EXOC4: variants seen among roughly 807,000 people sequenced by gnomAD.
EXOC4 encodes the protein SEC8-like 1.
A neutral mutation model predicts 107.2 loss-of-function variants in EXOC4; 71 were observed. That is an observed-to-expected ratio of 0.66 (90% CI 0.55 to 0.81). The LOEUF (loss-of-function observed/expected upper bound fraction) is 0.81, where lower values mean the gene tolerates loss of function less well. Ranked by LOEUF, EXOC4 falls within the 30% of genes least tolerant of loss-of-function variation. The pLI is 0.00. For synonymous variants in EXOC4, 456 were observed against 441.2 expected (o/e 1.03, Z -0.42); for missense variants, 1,108 against 1,189.6 (o/e 0.93, Z 1.01).
intron 1 of EXOC4, among the ~76,000 whole-genome samples, chr7:133,262,377 T>TA (rs981458180): frequency 2.6e-5 from 4 of 151,906 alleles, no homozygotes; most frequent in Admixed American, 6.6e-5. Flanking sequence ...TTTTTTTTTT[T>TA]ATGTGCTAGG....
intron 17 of EXOC4, among the ~76,000 whole-genome samples, chr7:134,025,039 T>C (rs1444172499): frequency 6.6e-6 from 1 of 152,224 alleles, no homozygotes; most frequent in Non-Finnish European, 1.5e-5. Context: ...TTATTTCTGC[T>C]CCCTTTCCAA....
chr7:133,702,127 G>A (rs1215290098), intron 10 of EXOC4, among the ~76,000 whole-genome samples: 1 of 149,278 alleles, frequency 6.7e-6, no homozygotes, highest in Non-Finnish European at 1.5e-5. Flanking sequence ...GACTCTGAAT[G>A]TATAAGCTAC....
At chr7:133,717,303 T>G (rs1795018102) in intron 10 of EXOC4, among the ~76,000 whole-genome samples, 1 of 152,220 alleles carries the variant, frequency 6.6e-6, no homozygotes, top group Admixed American at 6.5e-5. Flanking sequence ...GGAACAATCT[T>G]CTATTAGGTT....
intron 9 of EXOC4, among the ~76,000 whole-genome samples, chr7:133,577,893 C>T (rs765837928): frequency 9.9e-5 from 15 of 152,084 alleles, no homozygotes; most frequent in Non-Finnish European, 2.1e-4. Context: ...AAAATGGATC[C>T]ATCTGGCTTA....
At chr7:134,093,475 G>T in the EXOC4 span, among the ~76,000 whole-genome samples, 1 of 152,112 alleles carries the variant, frequency 6.6e-6, no homozygotes, top group East Asian at 1.9e-4. Context: ...CAATAACAGA[G>T]CGGGGCTTCA....
intron 9 of EXOC4, among the ~76,000 whole-genome samples, chr7:133,537,322 A>AT (rs1469974602): frequency 8.0e-6 from 1 of 125,436 alleles, no homozygotes; most frequent in African/African-American, 3.4e-5. Context: ...CACCTGACTA[A>AT]TTTTTTTGTA....
chr7:133,474,661 C>T (rs1376846374), intron 7 of EXOC4, among the ~76,000 whole-genome samples: 1 of 152,000 alleles, frequency 6.6e-6, no homozygotes, highest in African/African-American at 2.4e-5. Flanking sequence ...TTGAAGCTCT[C>T]AATATGAGTA....
chr7:133,994,285 G>T (rs939292986), intron 14 of EXOC4, among the ~76,000 whole-genome samples: 1 of 152,186 alleles, frequency 6.6e-6, no homozygotes, highest in African/African-American at 2.4e-5. Flanking sequence ...CCCTGCAAAG[G>T]ACATGAACTC....
At chr7:133,750,957 C>T (rs1414734230) in intron 10 of EXOC4, among the ~76,000 whole-genome samples, 1 of 152,188 alleles carries the variant, frequency 6.6e-6, no homozygotes, top group Non-Finnish European at 1.5e-5. Flanking sequence ...ACAAGAATCA[C>T]ACCACTTGGA....
chr7:133,457,164 A>T (rs916047185), intron 7 of EXOC4, among the ~76,000 whole-genome samples: 11 of 152,212 alleles, frequency 7.2e-5, no homozygotes, highest in African/African-American at 2.7e-4. Flanking sequence ...GCTTTTCAGA[A>T]TAGTAGGACT....
chr7:133,982,461 A>G, intron 14 of EXOC4, among the ~76,000 whole-genome samples: 1 of 152,168 alleles, frequency 6.6e-6, no homozygotes, highest in East Asian at 1.9e-4. Flanking sequence ...CTGAGGCAGG[A>G]GAACGGCATG....
At chr7:133,258,178 G>T (rs1795060617) in intron 1 of EXOC4, among the ~76,000 whole-genome samples, 1 of 152,078 alleles carries the variant, frequency 6.6e-6, no homozygotes, top group Non-Finnish European at 1.5e-5. Flanking sequence ...CTTTCAGGAA[G>T]TCCTGGGATG....
chr7:133,736,010 G>T (rs1795436818), intron 10 of EXOC4, among the ~76,000 whole-genome samples: 1 of 152,024 alleles, frequency 6.6e-6, no homozygotes, highest in South Asian at 2.1e-4. Flanking sequence ...GATTGCTGGA[G>T]CCAGGGTGGC....
intron 17 of EXOC4, among the ~76,000 whole-genome samples, chr7:134,021,882 C>T (rs899466900): frequency 7.5e-6 from 1 of 132,894 alleles, no homozygotes; most frequent in Non-Finnish European, 1.6e-5. Flanking sequence ...CAGTCTGTTT[C>T]GCAGAGACAC....
chr7:133,661,680 A>T lies in EXOC4; in HGVS notation c.1514+31539A>T, dbSNP rs1301228769. ...TCTCCACTCCTTAAAACTAAAAAAA[A>T]AAAAAAAACAAAAAAAAAAAAAACA... On this transcript the variant is annotated intron_variant, in intron 10 of 17. Transcript: ENST00000253861. Among the ~76,000 whole-genome samples, 3 of 121,818 alleles carry T rather than the reference A, an allele frequency of 2.5e-5. No individual in the cohort carries two copies. The East Asian group carries it at 6.8e-4, about 27-fold the overall frequency. The allele number at this position is 121,818 out of a possible 152,430, so 79.9% of individuals were successfully genotyped here. A position where few individuals can be genotyped will look rare whatever the true frequency, so the allele number is the denominator to read the frequency against.
intron 11 of EXOC4, among the ~76,000 whole-genome samples, chr7:133,871,578 G>A (rs1798753225): frequency 6.6e-6 from 1 of 152,078 alleles, no homozygotes; most frequent in Admixed American, 6.6e-5. Flanking sequence ...CTCCTAGGCT[G>A]CCTCTCCCTC....
chr7:133,400,082 TGCGGGG>T (rs1328997180), intron 7 of EXOC4, among the ~76,000 whole-genome samples: 1 of 152,212 alleles, frequency 6.6e-6, no homozygotes, highest in African/African-American at 2.4e-5. Flanking sequence ...CACTTGGATC[TGCGGGG>T]GCAGGAGTTA....
At chr7:134,080,792 A>AT in the EXOC4 span, among the ~76,000 whole-genome samples, 313 of 152,104 alleles carry the variant, frequency 2.1e-3, no homozygotes, top group Middle Eastern at 0.01. Context: ...ATATATATAT[A>AT]AAAATTAGCC....
chr7:133,351,878 T>C (rs1328426576), intron 5 of EXOC4, among the ~76,000 whole-genome samples: 1 of 151,986 alleles, frequency 6.6e-6, no homozygotes, highest in Non-Finnish European at 1.5e-5. Context: ...ATATGTTGTG[T>C]TTTCATTTTC....
Sources: gnomAD v4.1 joint callset for allele counts (sites outside exome capture counted in the v4.1 genomes callset) on GRCh38, gnomAD v4.1.1 for gene constraint, MANE v1.5 for transcripts, NCBI Gene and HGNC (gene_info 2026-07-23, HGNC 2026-07-21) for gene names.